The following STX3 variants were observed in gnomAD, a reference collection of about 807,000 sequenced individuals.
STX3 encodes syntaxin-3.
STX3 carries 19 observed loss-of-function variants against 40.2 expected under a neutral mutation model. The ratio of observed to expected loss-of-function variants is 0.47; its 90% CI spans 0.33 to 0.69. The LOEUF (loss-of-function observed/expected upper bound fraction) is 0.69. STX3 is among the 30% of genes least tolerant of loss of function. STX3 has a pLI of 0.02. For synonymous variants in STX3, 122 were observed against 132.2 expected, an observed-to-expected ratio of 0.92 and a Z score of 0.53; for missense variants, 364 against 366.7, an observed-to-expected ratio of 0.99 and a Z score of 0.06.
At position 59,797,320 on chromosome 11, in the gene STX3, T is replaced by A; in HGVS notation, c.824T>A (p.Leu275Gln). The A allele has an allele frequency of 6.2e-7, 1 of 1,614,180 alleles. No homozygotes were observed. Among genetic ancestry groups the A allele is most frequent in the Non-Finnish European group, 8.5e-7 (1 of 1,180,024 alleles). The change falls in exon 10 of 11, where the codon CTG (leucine) becomes CAG (glutamine). Residue 275 changes from leucine (L) to glutamine (Q), a missense_variant. By Grantham distance (113) the Leu-to-Gln change is moderately radical. Coordinates refer to ENST00000337979, the MANE Select transcript of STX3 (RefSeq NM_004177.5). ...ATCATTGTGCTAGTAGTTGTGTTGCTGGGCATTTTAGCATTGATTATTGGA... is the reference window on the plus strand; with the variant it reads ...ATCATTGTGCTAGTAGTTGTGTTGCAGGGCATTTTAGCATTGATTATTGGA... ...IIIIVLVVVL[L>Q]GILALIIGLS...
Position 59,765,693 on chromosome 11 carries a change from A to G in STX3, c.31-7518A>G, listed in dbSNP as rs575597195. On this transcript the variant is annotated intron_variant, in intron 1 of 10. Coordinates refer to ENST00000337979, the MANE Select transcript of STX3 (RefSeq NM_004177.5). ...GTGGTGTGCGCCTGTAATCCCAGCT[A>G]TTTGGAAGGCTGAGGCAGGAGAATC... Among the ~76,000 whole-genome samples, 10 of 152,270 alleles carry G rather than the reference A, an allele frequency of 6.6e-5. No individual in the cohort carries two copies. The East Asian group carries it at 1.5e-3, about 23-fold the overall frequency.
chr11:59,781,926 A>G (rs147199086), intron 2 of STX3, among the ~76,000 whole-genome samples: 73 of 152,344 alleles, frequency 4.8e-4, no homozygotes, highest in Middle Eastern at 3.4e-3. Context: ...GTCACCTCGC[A>G]ATAAGTTTTC....
In STX3 at chr11:59,770,637, G is replaced by A. The variant is rs543548474; in HGVS notation, c.31-2574G>A. On this transcript the variant is annotated intron_variant, in intron 1 of 10. Coordinates refer to ENST00000337979, the MANE Select transcript of STX3 (RefSeq NM_004177.5). ...CATTTTGTCTCAAACTTTAAAAACT[G>A]GTGGTGAATCCTGGCTGCTAGTCTT... 4.2e-4 allele frequency among the ~76,000 whole-genome samples: 64 copies of A among 152,196 alleles called. 1 individual carries two copies. The South Asian group carries it at 0.013, about 30-fold the overall frequency.
chr11:59,792,358 C>T (rs1017490393), intron 6 of STX3, 143 bp downstream of exon 6: 14 of 655,382 alleles, frequency 2.1e-5, no homozygotes, highest in African/African-American at 3.7e-5. Flanking sequence ...TGGCACATCC[C>T]GAATGCTGTG....
Position 59,789,833 on chromosome 11 carries a change from C to T in STX3, c.290-686C>T, listed in dbSNP as rs149284974. On this transcript the variant is annotated intron_variant, in intron 4 of 10. Coordinates refer to ENST00000337979, the MANE Select transcript of STX3 (RefSeq NM_004177.5). ...GATATTTCTTGGTGGGCTAGGCATA[C>T]CACCTTCCCATACCCTCACTCCCCC... Among the ~76,000 whole-genome samples the T allele has an allele frequency of 4.8e-4, 73 of 152,192 alleles. 1 individual carries two copies. In the East Asian group the frequency reaches 9.5e-3, roughly 20 times the overall value.
rs112766709 is a variant in STX3 at position 59,779,213 on chromosome 11, A to G, written c.114+5919A>G. On this transcript the variant is annotated intron_variant, in intron 2 of 10. Transcript: ENST00000337979. ...ACCGTAGACTGAATGGCTTATAAAC[A>G]ATAAGAATGTGTTTCCTACAGTTCT... 1.9e-3 allele frequency among the ~76,000 whole-genome samples: 291 copies of G among 152,326 alleles called. 3 individuals are homozygous for G. The highest frequency in any genetic ancestry group is 6.8e-3 in the African/African-American group (281 of 41,576).
intron 2 of STX3, among the ~76,000 whole-genome samples, chr11:59,774,911 AATG>A (rs1419427140): frequency 1.3e-5 from 2 of 152,230 alleles, no homozygotes; most frequent in African/African-American, 4.8e-5. Context: ...GTGCTTAATG[AATG>A]ATAATTCAAA....
At position 59,802,361 on chromosome 11, in the gene STX3, GCTTTGA is replaced by G. The variant is rs1371881067; in HGVS notation, c.*1542_*1547del. ...ATTTTGGGTACCATGTATATTTTCC[GCTTTGA>G]CTTTAACGCTTTCTAGGATAGGGTA... On this transcript the variant is annotated 3_prime_UTR_variant, in exon 11 of 11. Coordinates refer to ENST00000337979, the MANE Select transcript of STX3 (RefSeq NM_004177.5). The G allele has an allele frequency of 6.1e-6, 6 of 985,378 alleles. No individual in the cohort carries two copies. Among genetic ancestry groups the G allele is most frequent in the Middle Eastern group, 5.2e-4 (1 of 1,936 alleles). 61.0% of individuals were successfully genotyped at this position (985,378 alleles called of 1,614,324 possible).
In STX3 at chr11:59,803,926, TCTC is replaced by T. The variant is rs1379023924; in HGVS notation, c.*3106_*3108del. 1 of 153,154 alleles carries T rather than the reference TCTC, an allele frequency of 6.5e-6. No homozygotes were observed. The highest frequency in any genetic ancestry group is 2.4e-5 in the African/African-American group (1 of 41,444). 9.5% of individuals were successfully genotyped at this position (153,154 alleles called of 1,614,324 possible). On this transcript the variant is annotated 3_prime_UTR_variant, in exon 11 of 11. Transcript: ENST00000337979. ...TCTCCACGCAGACTCCTCATCAGCTTCTCCTCTTTCCATTATGAAACTTCTTAA... is the reference window on the plus strand; with the variant it reads ...TCTCCACGCAGACTCCTCATCAGCTTCTCTTTCCATTATGAAACTTCTTAA...
chr11:59,788,585 A>G (rs2134999549), intron 3 of STX3, among the ~76,000 whole-genome samples: 1 of 152,258 alleles, frequency 6.6e-6, no homozygotes, highest in East Asian at 1.9e-4. Context: ...AGTTTCCACA[A>G]TTTTATGTGC....
At chr11:59,775,019 A>G (rs898454074) in intron 2 of STX3, among the ~76,000 whole-genome samples, 2 of 152,236 alleles carry the variant, frequency 1.3e-5, no homozygotes, top group East Asian at 1.9e-4. Context: ...AACAAGAAGT[A>G]TCGTGCTCTT....
chr11:59,790,874 A>C (rs534169513), intron 5 of STX3, among the ~76,000 whole-genome samples: 15 of 152,184 alleles, frequency 9.9e-5, no homozygotes, highest in African/African-American at 3.6e-4. Context: ...AGAGGAAATT[A>C]ATGTCTTCTA....
chr11:59,799,643 A>G, intron 10 of STX3: 1 of 985,426 alleles, frequency 1.0e-6, no homozygotes, highest in Non-Finnish European at 1.2e-6. Context: ...GCCAGTACCC[A>G]GAGCTGTGCC....
Position 59,755,605 on chromosome 11 carries a change from G to T in STX3, c.-1G>T. On this transcript the variant is annotated 5_prime_UTR_variant, in exon 1 of 11. Transcript: ENST00000337979. The stretch of plus-strand genomic sequence containing the variant: ...CTGCCTCCGGGCGCCTGGGCTTCAG[G>T]ATGAAGGACCGTCTGGAGCAGCTGA... 1 of 1,594,240 alleles carries T rather than the reference G, an allele frequency of 6.3e-7. No individual in the cohort carries two copies.
intron 6 of STX3, among the ~76,000 whole-genome samples, 174 bp from the exon 7 acceptor site, chr11:59,792,925 T>C (rs1253494112): frequency 1.3e-5 from 2 of 152,054 alleles, no homozygotes; most frequent in Non-Finnish European, 2.9e-5. Flanking sequence ...CTGCTGATAG[T>C]GTTAAGGATG....
Position 59,755,476 on chromosome 11 carries a change from C to T in STX3, c.-130C>T. ...CCTAGCTAGCGGCCGCCGCCCGCCG[C>T]CGCCTGCGCCTCCAGCTCCTTCGCC... On this transcript the variant is annotated 5_prime_UTR_variant, in exon 1 of 11. Transcript: ENST00000337979. 8.3e-7 allele frequency: 1 copy of T among 1,199,638 alleles called. No homozygotes were observed. Among genetic ancestry groups the T allele is most frequent in the Non-Finnish European group, 1.1e-6 (1 of 918,594 alleles). The allele number at this position is 1,199,638 out of a possible 1,614,324, so 74.3% of individuals were successfully genotyped here.
chr11:59,763,448 G>A (rs1863137500), intron 1 of STX3, among the ~76,000 whole-genome samples: 1 of 152,184 alleles, frequency 6.6e-6, no homozygotes, highest in Non-Finnish European at 1.5e-5. Context: ...TGGCATGTGA[G>A]GATTGGACTT....
intron 2 of STX3, among the ~76,000 whole-genome samples, chr11:59,774,571 G>A (rs1362110560): frequency 6.6e-6 from 1 of 152,118 alleles, no homozygotes; most frequent in Non-Finnish European, 1.5e-5. Context: ...GGTGGCTCAC[G>A]CTTGTAATCC....
At position 59,793,497 on chromosome 11, in the gene STX3, A is replaced by G. The variant is rs202002338; in HGVS notation, c.658A>G (p.Met220Val). ...ELHDMFMDIA[M>V]LVENQGEMLD... ...TCACGACATGTTTATGGACATCGCC[A>G]TGCTGGTGGAGAATCAGGTAAGTGG... The change falls in exon 8 of 11, where the codon ATG (methionine) becomes GTG (valine). Residue 220 changes from methionine to valine, a missense_variant. Physicochemically the swap from Met to Val is conservative, Grantham distance 21. Transcript: ENST00000337979. 6.2e-7 allele frequency: 1 copy of G among 1,613,630 alleles called. No homozygotes were observed. The highest frequency in any genetic ancestry group is 8.5e-7 in the Non-Finnish European group (1 of 1,179,782).
Sources: gnomAD v4.1 joint callset for allele counts (sites outside exome capture counted in the v4.1 genomes callset) on GRCh38, gnomAD v4.1.1 for gene constraint, MANE v1.5 for transcripts, NCBI Gene and HGNC (gene_info 2026-07-23, HGNC 2026-07-21) for gene names.